DNAAF5: variants seen among roughly 807,000 people sequenced by gnomAD.
The protein encoded by DNAAF5 is HEAT repeat containing 2.
In DNAAF5, 64 loss-of-function variants were observed where a neutral mutation model predicts 75.8. The observed-to-expected ratio is 0.84, with a 90% confidence interval of 0.69 to 1.04. DNAAF5 has a LOEUF of 1.04. Among genes scored for constraint, DNAAF5 ranks in the 50% least tolerant of loss-of-function variants. The pLI, the probability that DNAAF5 is intolerant of heterozygous loss-of-function variation, is 0.00. For synonymous variants in DNAAF5, 657 were observed against 557.2 expected (o/e 1.18, Z -2.52); for missense variants, 1,269 against 1,178.5 (o/e 1.08, Z -1.12).
intron 8 of DNAAF5, chr7:769,282 G>A (rs1250733983): frequency 4.3e-6 from 3 of 703,302 alleles, no homozygotes; most frequent in Non-Finnish European, 7.9e-6. Context: ...TCCTTCTGCG[G>A]CCCCAACCCA....
At chr7:769,077 G>A in intron 8 of DNAAF5, 4 of 710,098 alleles carry the variant, frequency 5.6e-6, no homozygotes, top group Admixed American at 1.9e-5. Context: ...CCAGAGCAGC[G>A]AGTACATTGC....
chr7:742,212 GTC>G (rs1423323805), intron 4 of DNAAF5, among the ~76,000 whole-genome samples: 1 of 152,186 alleles, frequency 6.6e-6, no homozygotes, highest in East Asian at 1.9e-4. Flanking sequence ...CATCACTTGA[GTC>G]TATCTGCGGG....
chr7:762,861 G>A (rs1294119618), intron 7 of DNAAF5, among the ~76,000 whole-genome samples: 1 of 152,180 alleles, frequency 6.6e-6, no homozygotes, highest in Non-Finnish European at 1.5e-5. Flanking sequence ...TGATCCACCT[G>A]CCTCAGCCTC....
chr7:767,039 A>G (rs1778323970), intron 8 of DNAAF5, among the ~76,000 whole-genome samples: 1 of 152,036 alleles, frequency 6.6e-6, no homozygotes, highest in Non-Finnish European at 1.5e-5. Flanking sequence ...GGAGATCGAG[A>G]CCATCCTGGC....
At chr7:779,048 A>C (rs887325718) in intron 11 of DNAAF5, among the ~76,000 whole-genome samples, 1 of 152,270 alleles carries the variant, frequency 6.6e-6, no homozygotes, top group Non-Finnish European at 1.5e-5. Flanking sequence ...ATCTGCCAGG[A>C]ATTAACCCAC....
chr7:786,007 C>T lies in DNAAF5; in HGVS notation c.*354C>T, dbSNP rs1260932185. 5.0e-6 allele frequency: 1 copy of T among 198,658 alleles called. No homozygotes were observed. The highest frequency in any genetic ancestry group is 1.0e-5 in the Non-Finnish European group (1 of 99,308). 12.3% of individuals were successfully genotyped at this position (198,658 alleles called of 1,614,324 possible). A position where few individuals can be genotyped will look rare whatever the true frequency, so the allele number is the denominator to read the frequency against. Reference sequence around the variant, plus strand: ...TGGCTGCATCCTGCTTAGGTGCCCACCAAGAAGGTTTTTACCTACTTAACA... The same window carrying T: ...TGGCTGCATCCTGCTTAGGTGCCCATCAAGAAGGTTTTTACCTACTTAACA... On this transcript the variant is annotated 3_prime_UTR_variant, in exon 13 of 13. Transcript: ENST00000297440.
rs764062040 is a variant in DNAAF5, at chr7:740,808, C to T, written c.781-11C>T. The T allele has an allele frequency of 4.3e-6, 7 of 1,613,366 alleles. No homozygotes were observed. The highest frequency in any genetic ancestry group is 2.2e-5 in the East Asian group (1 of 44,882). ...CCTACACGAATCCTTATCCCTTCCT[C>T]TCATGCGCAGGTCCGGCGGGCGGTG... On this transcript the variant is annotated splice_polypyrimidine_tract_variant and intron_variant, in intron 2 of 12. Transcript: ENST00000297440.
intron 2 of DNAAF5, among the ~76,000 whole-genome samples, chr7:739,952 G>C (rs1244708493): frequency 6.6e-6 from 1 of 152,200 alleles, no homozygotes; most frequent in African/African-American, 2.4e-5. Flanking sequence ...GCTGGGCAGA[G>C]ACGCTTCATC....
chr7:734,996 C>T (rs1055066392), intron 2 of DNAAF5, among the ~76,000 whole-genome samples: 9 of 150,228 alleles, frequency 6.0e-5, no homozygotes, highest in Admixed American at 1.3e-4. Context: ...TCGCTGCTCA[C>T]GATGTCATTG....
At chr7:785,488 C>T in intron 12 of DNAAF5, 29 bp from the exon 13 acceptor site, 2 of 1,606,018 alleles carry the variant, frequency 1.2e-6, no homozygotes, top group Non-Finnish European at 1.7e-6. Flanking sequence ...TTGTTTCTGG[C>T]ATGTTCAAGG....
chr7:758,402 T>C (rs746490013), intron 6 of DNAAF5, among the ~76,000 whole-genome samples: 1 of 152,224 alleles, frequency 6.6e-6, no homozygotes, highest in Non-Finnish European at 1.5e-5. Flanking sequence ...CTTCCAGTTT[T>C]ATCGAGGAAA....
In DNAAF5 at chr7:779,991, A is replaced by C. The variant is rs1176799874; in HGVS notation, c.2278A>C (p.Arg760=). Residue 760 remains arginine (R), a synonymous_variant, in exon 12 of 13, where the codon AGG becomes CGG. Transcript: ENST00000297440. ...CCTAGATGACGTGTCCAACGATGTG[A>C]GGATGGCAGCCGCCTCCACCTTGGT... ...KRLDDVSNDV[R]MAAASTLVTW... is the part of the protein sequence containing the mutation. 3 of 1,614,076 alleles carry C rather than the reference A, an allele frequency of 1.9e-6. No homozygotes were observed. In the African/African-American group the frequency reaches 4.0e-5, roughly 22 times the overall value.
intron 1 of DNAAF5, among the ~76,000 whole-genome samples, chr7:728,855 C>G (rs1013611141): frequency 2.5e-4 from 38 of 152,304 alleles, no homozygotes; most frequent in African/African-American, 8.9e-4. Context: ...CACCTCTGGT[C>G]TCGGTCACAC....
intron 9 of DNAAF5, chr7:772,896 C>T (rs1778618255): frequency 1.3e-5 from 2 of 151,278 alleles, no homozygotes. Context: ...TGGTTCTGAT[C>T]AATGCCCAGA....
At chr7:730,956 G>A (rs918341398) in intron 2 of DNAAF5, among the ~76,000 whole-genome samples, 3 of 152,262 alleles carry the variant, frequency 2.0e-5, no homozygotes, top group African/African-American at 7.2e-5. Context: ...AAAGTGGGCA[G>A]AGTGCGGGGT....
chr7:733,291 G>A (rs969629869), intron 2 of DNAAF5, among the ~76,000 whole-genome samples: 1 of 152,030 alleles, frequency 6.6e-6, no homozygotes, highest in Non-Finnish European at 1.5e-5. Flanking sequence ...AACGTCTTTC[G>A]AGGTTCCATA....
chr7:768,440 G>C (rs956829366), intron 8 of DNAAF5: 6 of 150,072 alleles, frequency 4.0e-5, no homozygotes, highest in Admixed American at 6.6e-5. Context: ...GCGAGTGGGC[G>C]CTCCGGCTGG....
At chr7:756,609 C>T (rs557701733) in intron 5 of DNAAF5, among the ~76,000 whole-genome samples, 173 bp from the exon 6 acceptor site, 2 of 152,268 alleles carry the variant, frequency 1.3e-5, no homozygotes, top group Admixed American at 6.5e-5. Flanking sequence ...AGACCACACC[C>T]GGACCCTTGT....
At chr7:780,399 A>G (rs1452102143) in intron 12 of DNAAF5, among the ~76,000 whole-genome samples, 3 of 152,290 alleles carry the variant, frequency 2.0e-5, no homozygotes, top group Non-Finnish European at 4.4e-5. Flanking sequence ...TAAAATAACA[A>G]TAGTAAGCCC....
Sources: gnomAD v4.1 joint callset for allele counts (sites outside exome capture counted in the v4.1 genomes callset) on GRCh38, gnomAD v4.1.1 for gene constraint, MANE v1.5 for transcripts, NCBI Gene and HGNC (gene_info 2026-07-23, HGNC 2026-07-21) for gene names.